Variants in CHST9 observed in about 807,000 individuals in gnomAD.
CHST9 encodes the protein carbohydrate sulfotransferase 9, also known as GalNAc-4-sulfotransferase 2.
CHST9 carries 41 observed loss-of-function variants against 44.4 expected under a neutral mutation model. The ratio of observed to expected loss-of-function variants is 0.92; its 90% CI spans 0.72 to 1.20. CHST9 has a LOEUF of 1.20. Among genes scored for constraint, CHST9 ranks in the 50% most tolerant of loss-of-function variants. The pLI is 0.00. For synonymous variants in CHST9, 171 were observed against 178.4 expected (o/e 0.96, Z 0.33); for missense variants, 504 against 516.5 (o/e 0.98, Z 0.23).
intron 1 of CHST9, among the ~76,000 whole-genome samples, chr18:27,148,364 G>T (rs145708544): frequency 1.4e-4 from 21 of 150,730 alleles, no homozygotes; most frequent in Admixed American, 9.9e-4. Context: ...CCATTAACTC[G>T]TCATTTAGCA....
chr18:27,184,615 G>A (rs1399603034), intron 1 of CHST9, among the ~76,000 whole-genome samples: 1 of 152,056 alleles, frequency 6.6e-6, no homozygotes, highest in East Asian at 1.9e-4. Context: ...CCTGAGCCAG[G>A]TCGCGGAGTT....
At chr18:27,058,544 A>G (rs1273450308) in intron 2 of CHST9, among the ~76,000 whole-genome samples, 1 of 152,100 alleles carries the variant, frequency 6.6e-6, no homozygotes. Flanking sequence ...CCATCTTTAA[A>G]AACGTGCTCC....
intron 2 of CHST9, among the ~76,000 whole-genome samples, chr18:27,096,326 CA>C (rs917727257): frequency 1.4e-5 from 2 of 148,128 alleles, no homozygotes; most frequent in African/African-American, 2.5e-5. Flanking sequence ...GCCTACCTCA[CA>C]AAAAAAGACC....
chr18:27,119,670 T>C (rs2058358473), intron 2 of CHST9, among the ~76,000 whole-genome samples: 2 of 143,652 alleles, frequency 1.4e-5, no homozygotes, highest in South Asian at 4.6e-4. Context: ...TTTTTTTTTC[T>C]ACTTGCTCTC....
chr18:26,985,944 A>G (rs1040614966), intron 4 of CHST9, among the ~76,000 whole-genome samples: 19 of 152,212 alleles, frequency 1.2e-4, no homozygotes, highest in Admixed American at 3.3e-4. Flanking sequence ...TAAATCATAA[A>G]AACAAGAACC....
Position 26,937,840 on chromosome 18 carries a change from G to A in CHST9, c.240+6489C>T, listed in dbSNP as rs778766243. Among the ~76,000 whole-genome samples, 5 of 152,106 alleles carry A rather than the reference G, an allele frequency of 3.3e-5. 1 individual carries two copies. The highest frequency in any genetic ancestry group is 5.9e-5 in the Non-Finnish European group (4 of 68,004). ...AATACCGACCATTATTATTACTAAT[G>A]TCGTGCTAAATGTGGCAGGACCTGA... On this transcript the variant is annotated intron_variant, in intron 5 of 5. Transcript: ENST00000618847.
At chr18:27,011,739 A>G (rs2057087763) in intron 4 of CHST9, among the ~76,000 whole-genome samples, 1 of 152,178 alleles carries the variant, frequency 6.6e-6, no homozygotes, top group South Asian at 2.1e-4. Flanking sequence ...TCTCAAGGAG[A>G]CTGGAATATA....
chr18:27,055,922 A>T (rs1230564978), intron 2 of CHST9, among the ~76,000 whole-genome samples: 1 of 142,822 alleles, frequency 7.0e-6, no homozygotes, highest in East Asian at 2.1e-4. Flanking sequence ...TTTTCTTCTC[A>T]CCTCTTCTCT....
intron 1 of CHST9, among the ~76,000 whole-genome samples, chr18:27,168,558 T>C (rs2058809548): frequency 6.6e-6 from 1 of 152,186 alleles, no homozygotes; most frequent in African/African-American, 2.4e-5. Flanking sequence ...AGATGACATT[T>C]ATGATACAGG....
At chr18:27,122,198 TA>T (rs2058380267) in intron 2 of CHST9, among the ~76,000 whole-genome samples, 1 of 152,206 alleles carries the variant, frequency 6.6e-6, no homozygotes, top group South Asian at 2.1e-4. Flanking sequence ...ATAGAAAGTT[TA>T]AAAATTGATT....
chr18:27,095,324 T>A (rs2058106646), intron 2 of CHST9, among the ~76,000 whole-genome samples: 1 of 152,146 alleles, frequency 6.6e-6, no homozygotes, highest in Non-Finnish European at 1.5e-5. Flanking sequence ...AGGTTGATGC[T>A]ACCGTAAAGA....
chr18:27,057,211 A>T (rs2057666605), intron 2 of CHST9, among the ~76,000 whole-genome samples: 1 of 152,234 alleles, frequency 6.6e-6, no homozygotes, highest in African/African-American at 2.4e-5. Context: ...TTAGATAGGT[A>T]AATGCTATCT....
chr18:27,162,243 C>G (rs934428168), intron 1 of CHST9, among the ~76,000 whole-genome samples: 5 of 152,088 alleles, frequency 3.3e-5, no homozygotes, highest in Non-Finnish European at 5.9e-5. Context: ...GCAGTGGCTG[C>G]TACTGGTTGT....
intron 2 of CHST9, among the ~76,000 whole-genome samples, chr18:27,121,742 C>A (rs2058376244): frequency 6.6e-6 from 1 of 152,118 alleles, no homozygotes; most frequent in Non-Finnish European, 1.5e-5. Context: ...ATGGAGAGAG[C>A]CCTGGTGAAA....
At chr18:27,016,344 A>G (rs535303450) in intron 4 of CHST9, among the ~76,000 whole-genome samples, 13 of 152,234 alleles carry the variant, frequency 8.5e-5, no homozygotes, top group Admixed American at 2.0e-4. Context: ...TTACCTGCCT[A>G]AGGATTTCAT....
chr18:27,092,915 T>C (rs965732224), intron 2 of CHST9, among the ~76,000 whole-genome samples: 1 of 152,184 alleles, frequency 6.6e-6, no homozygotes, highest in East Asian at 1.9e-4. Context: ...GAAGAATGTA[T>C]ATTCTGTTGA....
rs187354254 is a variant in CHST9, at chr18:26,907,851, C to G, written c.*8408G>C. ...TGAAAAGAAAAAAATTCTGGTACGT[C>G]CTTCAATATGGATGAACCTTGAGGA... On this transcript the variant is annotated 3_prime_UTR_variant, in exon 6 of 6. Transcript: ENST00000618847. The G allele has an allele frequency of 2.6e-3, 454 of 177,350 alleles. No individual in the cohort carries two copies. The highest frequency in any genetic ancestry group is 6.3e-3 in the South Asian group (38 of 5,998). The allele number at this position is 177,350 out of a possible 1,614,324, so 11.0% of individuals were successfully genotyped here. A position where few individuals can be genotyped will look rare whatever the true frequency, so the allele number is the denominator to read the frequency against.
At chr18:26,949,649 G>A (rs1459052563) in intron 4 of CHST9, among the ~76,000 whole-genome samples, 1 of 152,232 alleles carries the variant, frequency 6.6e-6, no homozygotes, top group South Asian at 2.1e-4. Context: ...GACAATTACG[G>A]CAGATTGAAT....
intron 5 of CHST9, among the ~76,000 whole-genome samples, chr18:26,920,158 G>A (rs1353028412): frequency 2.0e-5 from 3 of 152,112 alleles, no homozygotes; most frequent in African/African-American, 7.2e-5. Flanking sequence ...TTTTAACAGA[G>A]GAGCTCTCCA....
Sources: allele counts gnomAD v4.1 joint callset (sites outside exome capture counted in the v4.1 genomes callset), GRCh38; gene constraint gnomAD v4.1.1; transcripts MANE v1.5; gene names NCBI Gene and HGNC (gene_info 2026-07-23, HGNC 2026-07-21).